Variants in BRI3BP observed in about 807,000 individuals in gnomAD.
BRI3BP encodes the protein BRI3 binding protein.
BRI3BP carries 7 observed loss-of-function variants against 15.8 expected under a neutral mutation model. The ratio of observed to expected loss-of-function variants is 0.44; its 90% confidence interval spans 0.25 to 0.83. The LOEUF is 0.83. Ranked by LOEUF, BRI3BP falls within the 40% of genes least tolerant of loss-of-function variation. BRI3BP has a pLI of 0.20. For missense variants in BRI3BP, 320 were observed against 339.3 expected, an observed-to-expected ratio of 0.94 and a Z score of 0.45; for synonymous variants, 192 against 163.5, an observed-to-expected ratio of 1.17 and a Z score of -1.33.
intron 1 of BRI3BP, among the ~76,000 whole-genome samples, chr12:125,002,922 G>A (rs1052047598): frequency 3.9e-5 from 6 of 152,210 alleles, no homozygotes; most frequent in South Asian, 4.1e-4. Context: ...TTGTGCCATC[G>A]CATTCTCGTT....
chr12:125,003,412 T>C (rs1955113866), intron 1 of BRI3BP, among the ~76,000 whole-genome samples: 1 of 152,188 alleles, frequency 6.6e-6, no homozygotes, highest in Non-Finnish European at 1.5e-5. Context: ...TTTGCTCACC[T>C]GGTCCCCTTA....
chr12:125,001,267 A>G (rs939193875), intron 1 of BRI3BP, among the ~76,000 whole-genome samples: 6 of 152,078 alleles, frequency 3.9e-5, no homozygotes, highest in African/African-American at 1.4e-4. Flanking sequence ...CGTGTTAGCC[A>G]GGATAGTCTG....
intron 1 of BRI3BP, among the ~76,000 whole-genome samples, chr12:124,997,946 GAAACCCTGTCTCTACCAAATACAA>G (rs1955054148): frequency 6.6e-6 from 1 of 152,134 alleles, no homozygotes; most frequent in Non-Finnish European, 1.5e-5. Context: ...CCAACATGGT[GAAACCCTGTCTCTACCAAATACAA>G]AAAATTAGCC....
intron 2 of BRI3BP, among the ~76,000 whole-genome samples, chr12:125,022,175 TC>T (rs1242109108): frequency 6.6e-6 from 1 of 151,960 alleles, no homozygotes; most frequent in Non-Finnish European, 1.5e-5. Context: ...CAACCTGTTT[TC>T]CTAAGCCCTC....
At chr12:124,999,463 G>A (rs554820619) in intron 1 of BRI3BP, among the ~76,000 whole-genome samples, 31 of 152,080 alleles carry the variant, frequency 2.0e-4, no homozygotes, top group Admixed American at 3.9e-4. Flanking sequence ...TCCCTCTGTC[G>A]CCCAGGCTGG....
chr12:125,006,061 C>T (rs1210167167), intron 1 of BRI3BP, among the ~76,000 whole-genome samples: 1 of 152,072 alleles, frequency 6.6e-6, no homozygotes, highest in South Asian at 2.1e-4. Flanking sequence ...TTATCTGGGT[C>T]CTGCTCTCCT....
chr12:125,003,956 AACACAC>A (rs202194939), intron 1 of BRI3BP, among the ~76,000 whole-genome samples: 1,561 of 38,098 alleles, frequency 0.041, 15 homozygotes, highest in South Asian at 0.06. Context: ...CCATCTCAAA[AACACAC>A]ACACACACAC....
chr12:125,034,325 C>T (rs138136607), downstream of BRI3BP, among the ~76,000 whole-genome samples: 354 of 152,258 alleles, frequency 2.3e-3, 1 homozygote, highest in African/African-American at 8.3e-3. Flanking sequence ...GGATTACAGA[C>T]GTGAGCCACT....
At chr12:125,008,555 G>A (rs1479638906) in intron 1 of BRI3BP, among the ~76,000 whole-genome samples, 2 of 151,482 alleles carry the variant, frequency 1.3e-5, no homozygotes, top group Admixed American at 6.6e-5. Flanking sequence ...CTTGTGATCC[G>A]CCCGCCTCGG....
the BRI3BP span, among the ~76,000 whole-genome samples, chr12:125,047,065 C>T: frequency 6.6e-6 from 1 of 152,080 alleles, no homozygotes; most frequent in African/African-American, 2.4e-5. Flanking sequence ...TAACATTGTA[C>T]ATATTTAATT....
intron 2 of BRI3BP, among the ~76,000 whole-genome samples, chr12:125,018,671 CTTT>C (rs1035589414): frequency 7.3e-6 from 1 of 136,442 alleles, no homozygotes; most frequent in African/African-American, 2.7e-5. Context: ...AACTTCTGTT[CTTT>C]TTTTTTTTTT....
downstream of BRI3BP, among the ~76,000 whole-genome samples, chr12:125,034,186 T>A (rs986693385): frequency 8.0e-5 from 12 of 150,600 alleles, no homozygotes; most frequent in African/African-American, 2.9e-4. Flanking sequence ...AGCTGGGATT[T>A]CAGGCATGTG....
chr12:125,013,945 C>A (rs1337493776), intron 2 of BRI3BP, among the ~76,000 whole-genome samples: 1 of 152,130 alleles, frequency 6.6e-6, no homozygotes, highest in Non-Finnish European at 1.5e-5. Flanking sequence ...CTGTGCTACC[C>A]CCAGCCTTAC....
chr12:125,032,371 T>C (rs1955412444), downstream of BRI3BP, among the ~76,000 whole-genome samples: 1 of 152,094 alleles, frequency 6.6e-6, no homozygotes, highest in Admixed American at 6.6e-5. Flanking sequence ...GGCAGGAGAA[T>C]TGCTTGAACC....
At chr12:125,014,731 C>T (rs1036139130) in intron 2 of BRI3BP, among the ~76,000 whole-genome samples, 2 of 152,208 alleles carry the variant, frequency 1.3e-5, no homozygotes, top group African/African-American at 4.8e-5. Context: ...CATCTCCAGG[C>T]TGCACTCTGG....
At chr12:125,002,461 G>GTTTTTT (rs773663060) in intron 1 of BRI3BP, among the ~76,000 whole-genome samples, 4 of 124,116 alleles carry the variant, frequency 3.2e-5, no homozygotes, top group African/African-American at 5.6e-5. Context: ...TTTTTGTTTT[G>GTTTTTT]TTTTTTTTTT....
chr12:125,017,004 G>A (rs764909305), intron 2 of BRI3BP, among the ~76,000 whole-genome samples: 1 of 148,578 alleles, frequency 6.7e-6, no homozygotes, highest in African/African-American at 2.5e-5. Context: ...TCTGGCTAAC[G>A]TTTGTATTAT....
chr12:125,010,671 G>T (rs1955189165), intron 1 of BRI3BP, among the ~76,000 whole-genome samples: 1 of 152,206 alleles, frequency 6.6e-6, no homozygotes, highest in Non-Finnish European at 1.5e-5. Context: ...AGCTACTCGA[G>T]AGGCTGAGGC....
intron 1 of BRI3BP, among the ~76,000 whole-genome samples, chr12:124,998,594 C>A (rs1004120192): frequency 1.3e-5 from 2 of 151,988 alleles, no homozygotes; most frequent in African/African-American, 4.8e-5. Context: ...TGGGTGGTTG[C>A]CAGGGGCTGG....
Sources: allele counts gnomAD v4.1 joint callset (sites outside exome capture counted in the v4.1 genomes callset), GRCh38; gene constraint gnomAD v4.1.1; transcripts MANE v1.5; gene names NCBI Gene and HGNC (gene_info 2026-07-23, HGNC 2026-07-21).